The following SAA2 variants were observed in gnomAD, a reference collection of about 807,000 sequenced individuals.
SAA2 encodes the protein serum amyloid A-2 protein.
SAA2 carries 5 observed loss-of-function variants against 9.1 expected under a neutral mutation model. The observed-to-expected ratio is 0.55, with a 90% CI of 0.29 to 1.16. The LOEUF is 1.16. SAA2 is among the 50% of genes most tolerant of loss of function. The pLI, the probability that SAA2 is intolerant of heterozygous loss-of-function variation, is 0.09. For missense variants in SAA2, 94 were observed against 153.8 expected (o/e 0.61, Z 2.06); for synonymous variants, 49 against 59.8 (o/e 0.82, Z 0.83).
In SAA2 at chr11:18,245,479, A is replaced by G. The variant is rs1447530953; in HGVS notation, c.267T>C (p.Arg89=). 1.2e-6 allele frequency: 2 copies of G among 1,614,142 alleles called. No homozygotes were observed. Among genetic ancestry groups the G allele is most frequent in the Non-Finnish European group, 1.7e-6 (2 of 1,180,006 alleles). ...ARENIQRLTG[R]GAEDSLADQA... Reference sequence around the variant, plus strand: ...GATCGGCCAGCGAGTCCTCCGCACCACGGCCTGTGAGTCTCTGGATATTCT... The same window carrying G: ...GATCGGCCAGCGAGTCCTCCGCACCGCGGCCTGTGAGTCTCTGGATATTCT... Residue 89 remains arginine (R), a synonymous_variant, in exon 4 of 4, where the codon CGT becomes CGC. Coordinates refer to ENST00000256733, the MANE Select transcript of SAA2 (RefSeq NM_030754.5).
downstream of SAA2, among the ~76,000 whole-genome samples, chr11:18,243,685 T>G (rs1449587506): frequency 1.3e-5 from 2 of 152,250 alleles, no homozygotes; most frequent in Non-Finnish European, 2.9e-5. Flanking sequence ...CTGTTGTAAA[T>G]AGTTCTACTT....
intron 3 of SAA2, 110 bp from the exon 4 acceptor site, chr11:18,245,625 C>G (rs1857487747): frequency 3.4e-6 from 5 of 1,464,850 alleles, no homozygotes; most frequent in Non-Finnish European, 4.6e-6. Context: ...CCCAGAAAGG[C>G]CAAGGAAGGA....
intron 2 of SAA2, among the ~76,000 whole-genome samples, chr11:18,246,609 A>G (rs1857554078): frequency 6.6e-6 from 1 of 152,136 alleles, no homozygotes; most frequent in African/African-American, 2.4e-5. Context: ...GTAACTCACT[A>G]CAACTTCCGC....
exon 4 of SAA2, chr11:18,239,707 A>C: frequency 2.3e-6 from 1 of 441,734 alleles, no homozygotes; most frequent in Non-Finnish European, 4.0e-6. Context: ...GCTCCTTCTC[A>C]GTCTGTTTTG....
chr11:18,246,393 T>G (rs1472410001), intron 2 of SAA2, among the ~76,000 whole-genome samples: 1 of 152,200 alleles, frequency 6.6e-6, no homozygotes, highest in African/African-American at 2.4e-5. Context: ...GCAAATGGAA[T>G]ACATGTCATT....
chr11:18,242,997 T>C (rs1857391966), downstream of SAA2, among the ~76,000 whole-genome samples: 1 of 152,254 alleles, frequency 6.6e-6, no homozygotes, highest in Admixed American at 6.5e-5. Flanking sequence ...AGCATAGGTA[T>C]TAGGTGTGAC....
intron 2 of SAA2, among the ~76,000 whole-genome samples, chr11:18,246,745 C>A (rs754487244): frequency 9.2e-5 from 14 of 151,842 alleles, no homozygotes; most frequent in Non-Finnish European, 1.9e-4. Flanking sequence ...GTTGGCCAGG[C>A]TGCTCCGGAA....
chr11:18,239,693 A>C (rs146420212), exon 4 of SAA2: 11 of 432,830 alleles, frequency 2.5e-5, no homozygotes, highest in African/African-American at 1.6e-4. Flanking sequence ...CTTTCCCAAC[A>C]GCTGCTCCTT....
downstream of SAA2, chr11:18,242,891 C>G: frequency 1.5e-6 from 1 of 680,398 alleles, no homozygotes; most frequent in Non-Finnish European, 2.7e-6. Context: ...AAGAGCAATG[C>G]AATTTCCCTT....
chr11:18,242,534 C>T, downstream of SAA2: 1 of 486,772 alleles, frequency 2.1e-6, no homozygotes, highest in Non-Finnish European at 3.6e-6. Context: ...TGGGCAGCCT[C>T]AAACCGACAC....
chr11:18,245,785 G>A (rs1403692708), intron 3 of SAA2, 125 bp downstream of exon 3: 4 of 1,449,400 alleles, frequency 2.8e-6, no homozygotes, highest in Non-Finnish European at 3.7e-6. Flanking sequence ...CAGAGGCAGA[G>A]AGAGGGCAAG....
intron 3 of SAA2, 98 bp downstream of exon 3, chr11:18,245,812 G>T: frequency 7.1e-7 from 1 of 1,414,262 alleles, no homozygotes. Flanking sequence ...AGGGACCACA[G>T]CCTCTAACTT....
downstream of SAA2, among the ~76,000 whole-genome samples, chr11:18,243,949 C>T (rs184567730): frequency 3.9e-5 from 6 of 152,282 alleles, no homozygotes; most frequent in Admixed American, 1.3e-4. Context: ...CCATAGAGGG[C>T]GCTAGAGGGC....
chr11:18,244,721 A>T (rs1857450608), downstream of SAA2, among the ~76,000 whole-genome samples: 1 of 152,226 alleles, frequency 6.6e-6, no homozygotes, highest in Admixed American at 6.5e-5. Flanking sequence ...CATTCATAAA[A>T]GGAGTCGCAT....
downstream of SAA2, chr11:18,240,305 C>A (rs982170129): frequency 2.8e-6 from 2 of 702,454 alleles, no homozygotes; most frequent in South Asian, 3.0e-5. Flanking sequence ...AATGAGATTT[C>A]ATGGAGCAGG....
At chr11:18,243,296 G>C (rs963365292), downstream of SAA2, among the ~76,000 whole-genome samples, 1 of 152,076 alleles carries the variant, frequency 6.6e-6, no homozygotes, top group African/African-American at 2.4e-5. Flanking sequence ...GACTTTGAAA[G>C]CTTGCTTTAT....
chr11:18,239,139 G>A (rs1857273482), downstream of SAA2: 1 of 152,288 alleles, frequency 6.6e-6, no homozygotes, highest in East Asian at 1.9e-4. Context: ...TCAACATGAT[G>A]TTATTTTAGA....
rs781058256 is a variant in SAA2 at position 18,245,278 on chromosome 11, C to A, written c.*99G>T. ...GCATTTATTAGATGCCTATTATATG[C>A]CATATCTCAGCTTCTCTGGACATAG... On this transcript the variant is annotated 3_prime_UTR_variant, in exon 4 of 4. Transcript: ENST00000256733. 5.1e-6 allele frequency: 8 copies of A among 1,556,456 alleles called. No individual in the cohort carries two copies. The highest frequency in any genetic ancestry group is 6.1e-6 in the Non-Finnish European group (7 of 1,150,508).
chr11:18,245,122 C>T (rs547734017), downstream of SAA2: 103 of 676,718 alleles, frequency 1.5e-4, no homozygotes, highest in Non-Finnish European at 2.2e-4. Flanking sequence ...AAGAATGTCT[C>T]CTCACATCCA....
Sources: gnomAD v4.1 joint callset for allele counts (sites outside exome capture counted in the v4.1 genomes callset) on GRCh38, gnomAD v4.1.1 for gene constraint, MANE v1.5 for transcripts, NCBI Gene and HGNC (gene_info 2026-07-23, HGNC 2026-07-21) for gene names.